Variants in DDX23 observed in about 807,000 individuals in gnomAD.
The protein encoded by DDX23 is DEAD-box helicase 23, also known as probable ATP-dependent RNA helicase DDX23.
DDX23 carries 33 observed loss-of-function variants against 102.7 expected under a neutral mutation model. The ratio of observed to expected loss-of-function variants is 0.32; its 90% confidence interval spans 0.24 to 0.43. The LOEUF (loss-of-function observed/expected upper bound fraction) is 0.43. Among genes scored for constraint, DDX23 ranks in the 20% least tolerant of loss-of-function variants. The pLI is 1.00. For missense variants in DDX23, 549 were observed against 1,086.6 expected (o/e 0.51, Z 6.96); for synonymous variants, 352 against 376.0 (o/e 0.94, Z 0.74).
intron 8 of DDX23, 39 bp from the exon 9 acceptor site, chr12:48,837,076 G>A (rs754342873): frequency 3.1e-6 from 5 of 1,611,938 alleles, no homozygotes; most frequent in Non-Finnish European, 3.4e-6. Context: ...AGAAGGAGCT[G>A]TTAACGGCAG....
intron 12 of DDX23, among the ~76,000 whole-genome samples, chr12:48,833,763 T>C (rs2137481975): frequency 6.6e-6 from 1 of 152,084 alleles, no homozygotes; most frequent in African/African-American, 2.4e-5. Context: ...GCAAAATCAG[T>C]AGAAACTTTT....
chr12:48,851,468 G>A (rs977248975), intron 1 of DDX23, among the ~76,000 whole-genome samples: 2 of 150,078 alleles, frequency 1.3e-5, no homozygotes, highest in Non-Finnish European at 3.0e-5. Flanking sequence ...GCGAGACTCC[G>A]TCTCAAAAAA....
At chr12:48,842,487 G>A (rs1421553477) in intron 3 of DDX23, among the ~76,000 whole-genome samples, 3 of 135,180 alleles carry the variant, frequency 2.2e-5, no homozygotes, top group Non-Finnish European at 4.9e-5. Context: ...CACCCCGTCC[G>A]GGAGGAAGGT....
rs545238133 is a variant in DDX23 at position 48,850,509 on chromosome 12, C to T, written c.-1+1575G>A. On this transcript the variant is annotated intron_variant, in intron 1 of 16. Coordinates refer to ENST00000308025, the MANE Select transcript of DDX23 (RefSeq NM_004818.3). Reference sequence around the variant, plus strand: ...GTCTGTAGACAAAAACTTGAGTCACCAATACACAGATAGCTTTTAAAGCCA... The same window carrying T: ...GTCTGTAGACAAAAACTTGAGTCACTAATACACAGATAGCTTTTAAAGCCA... Among the ~76,000 whole-genome samples, 4 of 152,002 alleles carry T rather than the reference C, an allele frequency of 2.6e-5. No homozygotes were observed. The South Asian group carries it at 8.3e-4, about 32-fold the overall frequency.
intron 2 of DDX23, among the ~76,000 whole-genome samples, chr12:48,844,969 G>A (rs1361212856): frequency 1.3e-5 from 2 of 151,342 alleles, no homozygotes; most frequent in Non-Finnish European, 1.5e-5. Flanking sequence ...CCTGACCAAC[G>A]TGGAGAAACC....
intron 2 of DDX23, among the ~76,000 whole-genome samples, chr12:48,844,749 G>T (rs2137494237): frequency 1.3e-5 from 2 of 151,692 alleles, no homozygotes; most frequent in East Asian, 3.9e-4. Context: ...GGGATTACAG[G>T]CGTGAACCAA....
rs998051533 is a variant in DDX23 at position 48,830,863 on chromosome 12, CCT to C, written c.2240-173_2240-172del. ...GTGCCCTCTCCAGGTGCCCATCTCCCCTGTCCTCCTACTGACTGTGGTCCCTA... is the reference window on the plus strand; with the variant it reads ...GTGCCCTCTCCAGGTGCCCATCTCCCGTCCTCCTACTGACTGTGGTCCCTA... On this transcript the variant is annotated intron_variant, in intron 16 of 16. Coordinates refer to ENST00000308025, the MANE Select transcript of DDX23 (RefSeq NM_004818.3). This position sits in a 1 kb window ranked among gnomAD's most constrained non-coding sequence, Gnocchi z 4.9. Among the ~76,000 whole-genome samples, 28 of 152,194 alleles carry C rather than the reference CCT, an allele frequency of 1.8e-4. No individual in the cohort carries two copies. The highest frequency in any genetic ancestry group is 6.8e-4 in the African/African-American group (28 of 41,444).
chr12:48,848,400 G>A (rs1400508378), intron 1 of DDX23, among the ~76,000 whole-genome samples: 2 of 152,114 alleles, frequency 1.3e-5, no homozygotes, highest in African/African-American at 2.4e-5. Flanking sequence ...TGCTAATGAA[G>A]AAAATAAAAC....
chr12:48,831,320 T>C lies in DDX23; in HGVS notation c.2065-4A>G, dbSNP rs1938382975. 1.2e-6 allele frequency: 2 copies of C among 1,613,952 alleles called. No individual in the cohort carries two copies. The highest frequency in any genetic ancestry group is 1.7e-6 in the Non-Finnish European group (2 of 1,179,982). ...CGTGCAGTGTGCAAGCATTGTACTGTTGGAAGAATGGTGAAGTGAAGAGTG... is the reference window on the plus strand; with the variant it reads ...CGTGCAGTGTGCAAGCATTGTACTGCTGGAAGAATGGTGAAGTGAAGAGTG... On this transcript the variant is annotated splice_region_variant and splice_polypyrimidine_tract_variant and intron_variant, in intron 15 of 16. Transcript: ENST00000308025.
In DDX23 at chr12:48,836,930, T is replaced by C; in HGVS notation, c.974A>G (p.Glu325Gly). Residue 325 changes from glutamate (E) to glycine (G), a missense_variant, in exon 9 of 17, where the codon GAG becomes GGG. Glu to Gly is a moderately conservative substitution (Grantham distance 98). This residue lies in a region of DDX23 where 270 missense variants were observed against 707.0 expected (regional missense o/e 0.38). Transcript: ENST00000308025. The surrounding 1 kb of genome is among the most constrained non-coding windows in gnomAD (Gnocchi z 6.1). ...EQSRFYGDLMEKRRTLEEKEQ... is the reference protein window; with the variant it reads ...EQSRFYGDLMGKRRTLEEKEQ... Reference sequence around the variant, plus strand: ...CTTTTCTTCCAGGGTTCGCCTCTTCTCCATTAGGTCTCCATAGAAACGTGA... The same window carrying C: ...CTTTTCTTCCAGGGTTCGCCTCTTCCCCATTAGGTCTCCATAGAAACGTGA... The C allele has an allele frequency of 1.2e-6, 2 of 1,613,880 alleles. No individual in the cohort carries two copies. Among genetic ancestry groups the C allele is most frequent in the Non-Finnish European group, 1.7e-6 (2 of 1,180,032 alleles).
intron 3 of DDX23, among the ~76,000 whole-genome samples, chr12:48,841,464 C>G (rs1938549577): frequency 6.6e-6 from 1 of 152,138 alleles, no homozygotes; most frequent in Admixed American, 6.6e-5. Context: ...CCCCTCTCCC[C>G]ACGGTCTCCC....
At chr12:48,838,363 C>A (rs902781362) in intron 5 of DDX23, among the ~76,000 whole-genome samples, 1 of 152,088 alleles carries the variant, frequency 6.6e-6, no homozygotes, top group African/African-American at 2.4e-5. Context: ...CCAGCCTGGG[C>A]AACATAGCAG....
chr12:48,836,774 C>T lies in DDX23; in HGVS notation c.1031G>A (p.Arg344His), dbSNP rs758520536. ...EQEEARLRKL[R>H]KKEAKQRWDD... ...CCAGCGCTGCTTGGCTTCCTTCTTA[C>T]GAAGTTTGCGGAGTCTTGCCCTGGA... Residue 344 changes from arginine to histidine, a missense_variant, in exon 10 of 17, where the codon CGT becomes CAT. Around this residue, in one of 4 missense-constraint regions of DDX23, gnomAD observed 270 missense variants for 707.0 expected, o/e 0.38. Transcript: ENST00000308025. This position sits in a 1 kb window ranked among gnomAD's most constrained non-coding sequence, Gnocchi z 6.1. 29 of 1,614,060 alleles carry T rather than the reference C, an allele frequency of 1.8e-5. No homozygotes were observed. The highest frequency in any genetic ancestry group is 3.3e-5 in the South Asian group (3 of 91,078).
Position 48,836,349 on chromosome 12 carries a change from C to T in DDX23, c.1237-83G>A. The T allele has an allele frequency of 1.3e-6, 2 of 1,502,322 alleles. No homozygotes were observed. Among genetic ancestry groups the T allele is most frequent in the Non-Finnish European group, 1.8e-6 (2 of 1,086,832 alleles). 93.1% of individuals were successfully genotyped at this position (1,502,322 alleles called of 1,614,324 possible). On this transcript the variant is annotated intron_variant, in intron 10 of 16. Transcript: ENST00000308025. The surrounding 1 kb of genome is among the most constrained non-coding windows in gnomAD (Gnocchi z 6.1). ...CCACTGATAGTAGTAAGCACATCTG[C>T]TAGCACAATGGAAGGATGCCAAGTA...
At chr12:48,845,872 G>A in intron 1 of DDX23, 90 bp from the exon 2 acceptor site, 4 of 1,353,944 alleles carry the variant, frequency 3.0e-6, no homozygotes, top group South Asian at 1.3e-5. Flanking sequence ...ACAACCCTAT[G>A]AGGTGGATAT....
At chr12:48,842,613 G>A (rs1425751573) in intron 3 of DDX23, among the ~76,000 whole-genome samples, 51 of 148,474 alleles carry the variant, frequency 3.4e-4, no homozygotes, top group Admixed American at 6.0e-4. Context: ...CTGCCCGGCC[G>A]CCCCTACTGG....
rs1171010700 is a variant in DDX23, at chr12:48,830,229, G to A, written c.*240C>T. 3.1e-6 allele frequency: 2 copies of A among 642,252 alleles called. No individual in the cohort carries two copies. Among genetic ancestry groups the A allele is most frequent in the Non-Finnish European group, 5.8e-6 (2 of 347,596 alleles). 39.8% of individuals were successfully genotyped at this position (642,252 alleles called of 1,614,324 possible). The stretch of plus-strand genomic sequence containing the variant: ...CAGTGCAATCCCAAAGCAAAGAAGG[G>A]CAGAACTGGGCCAAGAAGCTGTGGT... On this transcript the variant is annotated 3_prime_UTR_variant, in exon 17 of 17. Transcript: ENST00000308025. The surrounding 1 kb of genome is among the most constrained non-coding windows in gnomAD (Gnocchi z 4.9).
chr12:48,843,284 G>A (rs1204240125), intron 3 of DDX23, among the ~76,000 whole-genome samples: 1 of 147,842 alleles, frequency 6.8e-6, no homozygotes, highest in Middle Eastern at 3.2e-3. Context: ...AAACACCCAA[G>A]AATGATCAAT....
intron 3 of DDX23, among the ~76,000 whole-genome samples, chr12:48,842,404 AG>A (rs1938576671): frequency 2.6e-5 from 2 of 77,060 alleles, no homozygotes. Context: ...GAGGTGGGGG[AG>A]GTCAGCCCCC....
Sources: allele counts gnomAD v4.1 joint callset (sites outside exome capture counted in the v4.1 genomes callset), GRCh38; gene constraint gnomAD v4.1.1; regional missense constraint gnomAD v4.1.1; non-coding constraint Gnocchi (gnomAD v3.1); transcripts MANE v1.5; gene names NCBI Gene and HGNC (gene_info 2026-07-23, HGNC 2026-07-21).